GLIS1: variants seen among roughly 807,000 people sequenced by gnomAD.
GLIS1 encodes the protein GLIS family zinc finger 1, also known as zinc finger protein GLIS1.
In GLIS1, 24 loss-of-function variants were observed where a neutral mutation model predicts 63.8. The ratio of observed to expected loss-of-function variants is 0.38; its 90% CI spans 0.27 to 0.53. GLIS1 has a LOEUF of 0.53. Ranked by LOEUF, GLIS1 falls within the 20% of genes least tolerant of loss-of-function variation. The probability of loss-of-function intolerance (pLI) is 0.85; values close to 1 mark genes in which losing one functional copy is unlikely to be tolerated. For synonymous variants in GLIS1, 450 were observed against 482.5 expected (o/e 0.93, Z 0.88); for missense variants, 1,036 against 1,074.1 (o/e 0.96, Z 0.50).
intron 2 of GLIS1, among the ~76,000 whole-genome samples, chr1:53,670,160 A>G (rs763617345): frequency 1.3e-5 from 2 of 152,238 alleles, no homozygotes; most frequent in Admixed American, 1.3e-4. Context: ...GCTCTGGCCA[A>G]GAATGGCTCA....
intron 2 of GLIS1, among the ~76,000 whole-genome samples, chr1:53,616,654 C>T (rs1645485441): frequency 6.6e-6 from 1 of 152,116 alleles, no homozygotes; most frequent in African/African-American, 2.4e-5. Context: ...CCACCTCCCT[C>T]CATCTTGGGT....
Position 53,582,307 on chromosome 1 carries a change from GCAAT to G in GLIS1, c.1320+11797_1320+11800del, listed in dbSNP as rs576426910. Among the ~76,000 whole-genome samples the G allele has an allele frequency of 7.9e-5, 12 of 152,320 alleles. No homozygotes were observed. In the East Asian group the frequency reaches 2.3e-3, roughly 29 times the overall value. On this transcript the variant is annotated intron_variant, in intron 4 of 10. Coordinates refer to ENST00000628545, the MANE Select transcript of GLIS1 (RefSeq NM_001367484.1). ...GCTTCCTCTGACCCTAACACCCACAGCAATCAGTCATCACACCTTCCCAATGCAC... is the reference window on the plus strand; with the variant it reads ...GCTTCCTCTGACCCTAACACCCACAGCAGTCATCACACCTTCCCAATGCAC...
chr1:53,708,798 G>T (rs1446202676), intron 2 of GLIS1, among the ~76,000 whole-genome samples: 1 of 152,108 alleles, frequency 6.6e-6, no homozygotes, highest in South Asian at 2.1e-4. Flanking sequence ...ACTCCATCCG[G>T]AACACAGCAC....
intron 2 of GLIS1, among the ~76,000 whole-genome samples, chr1:53,657,553 G>A (rs1028822716): frequency 2.6e-5 from 4 of 152,152 alleles, no homozygotes; most frequent in African/African-American, 9.7e-5. Flanking sequence ...TTGGTTTCCT[G>A]GAGCCCTGAG....
At chr1:53,704,060 G>A (rs890909346) in intron 2 of GLIS1, among the ~76,000 whole-genome samples, 1 of 152,252 alleles carries the variant, frequency 6.6e-6, no homozygotes. Flanking sequence ...TGTTTAGCTT[G>A]TTCTGAGAAT....
At chr1:53,562,963 C>T (rs879317070) in intron 4 of GLIS1, among the ~76,000 whole-genome samples, 2 of 152,298 alleles carry the variant, frequency 1.3e-5, no homozygotes, top group Admixed American at 6.5e-5. Flanking sequence ...GATGAGGAAA[C>T]GGAGGTTGTG....
intron 4 of GLIS1, among the ~76,000 whole-genome samples, chr1:53,542,454 G>C (rs566358401): frequency 6.6e-6 from 1 of 152,204 alleles, no homozygotes; most frequent in African/African-American, 2.4e-5. Context: ...GCGGGTGTTC[G>C]TGAACATCTG....
At chr1:53,521,678 G>T (rs1644410977) in intron 6 of GLIS1, among the ~76,000 whole-genome samples, 1 of 152,208 alleles carries the variant, frequency 6.6e-6, no homozygotes, top group Non-Finnish European at 1.5e-5. Flanking sequence ...TCAGTATATA[G>T]ACTTGAGGTC....
At chr1:53,656,248 C>T (rs1645964335) in intron 2 of GLIS1, among the ~76,000 whole-genome samples, 1 of 152,172 alleles carries the variant, frequency 6.6e-6, no homozygotes, top group Non-Finnish European at 1.5e-5. Context: ...ACAGGCACAC[C>T]ACCCCATTCC....
At chr1:53,695,043 A>G (rs187752389) in intron 2 of GLIS1, among the ~76,000 whole-genome samples, 1 of 151,890 alleles carries the variant, frequency 6.6e-6, no homozygotes, top group African/African-American at 2.4e-5. Context: ...AGGGAAGGCA[A>G]GTCAATGAAA....
intron 4 of GLIS1, among the ~76,000 whole-genome samples, chr1:53,587,384 G>T (rs1645146292): frequency 6.6e-6 from 1 of 152,146 alleles, no homozygotes; most frequent in African/African-American, 2.4e-5. Flanking sequence ...CCCAAAACAG[G>T]TCTCCTTCCC....
At chr1:53,685,833 C>G (rs1332920839) in intron 2 of GLIS1, among the ~76,000 whole-genome samples, 1 of 152,208 alleles carries the variant, frequency 6.6e-6, no homozygotes, top group East Asian at 1.9e-4. Context: ...TCCTCCATCC[C>G]GCAGCCAGAT....
intron 2 of GLIS1, among the ~76,000 whole-genome samples, chr1:53,709,411 T>C (rs10594620): frequency 0.059 from 877 of 14,836 alleles, 13 homozygotes; most frequent in East Asian, 0.36. Flanking sequence ...CATATATATA[T>C]ACACACACAC....
intron 5 of GLIS1, among the ~76,000 whole-genome samples, chr1:53,525,843 C>A (rs1644463039): frequency 6.6e-6 from 1 of 152,144 alleles, no homozygotes; most frequent in African/African-American, 2.4e-5. Context: ...TCCACCTCCT[C>A]CCCGGGCCAG....
chr1:53,735,106 C>T (rs1347580554), intron 2 of GLIS1, among the ~76,000 whole-genome samples: 2 of 152,176 alleles, frequency 1.3e-5, no homozygotes, highest in Non-Finnish European at 2.9e-5. Context: ...GGCGGCAGAG[C>T]ATCTGAAACC....
At chr1:53,734,369 A>G (rs1003401426) in intron 2 of GLIS1, among the ~76,000 whole-genome samples, 2 of 152,230 alleles carry the variant, frequency 1.3e-5, no homozygotes, top group Non-Finnish European at 2.9e-5. Flanking sequence ...CAGTAGAAAT[A>G]CCAAAAGCAA....
chr1:53,606,443 T>C lies in GLIS1; in HGVS notation c.260-6165A>G, dbSNP rs542278912. On this transcript the variant is annotated intron_variant, in intron 2 of 10. Transcript: ENST00000628545. ...CCTGGCAGGAGGGGCACCCCAGGAA[T>C]CACAGGCAGGAGACATAGTGCTTCC... 2.1e-3 allele frequency among the ~76,000 whole-genome samples: 324 copies of C among 152,290 alleles called. 2 individuals are homozygous for C. The highest frequency in any genetic ancestry group is 0.019 in the Admixed American group (290 of 15,308).
At chr1:53,727,369 C>T (rs1014473596) in intron 2 of GLIS1, among the ~76,000 whole-genome samples, 1 of 139,532 alleles carries the variant, frequency 7.2e-6, no homozygotes, top group African/African-American at 2.7e-5. Flanking sequence ...ACACCAATCA[C>T]CACCCCAGCA....
intron 4 of GLIS1, among the ~76,000 whole-genome samples, chr1:53,552,253 T>G (rs1444039123): frequency 6.6e-6 from 1 of 151,974 alleles, no homozygotes. Context: ...TAAGCTGCTA[T>G]AGGTGGAAAG....
Sources: allele counts gnomAD v4.1 joint callset (sites outside exome capture counted in the v4.1 genomes callset), GRCh38; gene constraint gnomAD v4.1.1; transcripts MANE v1.5; gene names NCBI Gene and HGNC (gene_info 2026-07-23, HGNC 2026-07-21).